ITFG1: variants seen among roughly 807,000 people sequenced by gnomAD.
The protein encoded by ITFG1 is integrin alpha FG-GAP repeat containing 1, also known as T-cell immunomodulatory protein.
A neutral mutation model predicts 81.8 loss-of-function variants in ITFG1; 34 were observed. The ratio of observed to expected loss-of-function variants is 0.42; its 90% confidence interval spans 0.32 to 0.55. The LOEUF (loss-of-function observed/expected upper bound fraction) is 0.55. Ranked by LOEUF, ITFG1 falls within the 20% of genes least tolerant of loss-of-function variation. The pLI is 0.17. For synonymous variants in ITFG1, 285 were observed against 270.6 expected, an observed-to-expected ratio of 1.05 and a Z score of -0.52; for missense variants, 672 against 755.4, an observed-to-expected ratio of 0.89 and a Z score of 1.29.
At chr16:47,364,477 T>C (rs925053680) in intron 8 of ITFG1, among the ~76,000 whole-genome samples, 13 of 152,238 alleles carry the variant, frequency 8.5e-5, no homozygotes, top group African/African-American at 3.1e-4. Flanking sequence ...GAGAGATCTC[T>C]GTACTCCCTG....
intron 16 of ITFG1, among the ~76,000 whole-genome samples, chr16:47,159,234 A>C (rs1013404403): frequency 6.6e-6 from 1 of 152,144 alleles, no homozygotes; most frequent in Non-Finnish European, 1.5e-5. Flanking sequence ...TTTTGATGAG[A>C]TATTTCAATA....
At chr16:47,181,832 G>T (rs1965128424) in intron 14 of ITFG1, among the ~76,000 whole-genome samples, 1 of 152,216 alleles carries the variant, frequency 6.6e-6, no homozygotes, top group Non-Finnish European at 1.5e-5. Context: ...ATTTTGTTCT[G>T]TACTAAGAAA....
In ITFG1 at chr16:47,357,333, G is replaced by A. The variant is rs545188631; in HGVS notation, c.802+8455C>T. 2.8e-4 allele frequency among the ~76,000 whole-genome samples: 43 copies of A among 152,000 alleles called. No individual in the cohort carries two copies. The South Asian group carries it at 7.1e-3, about 25-fold the overall frequency. On this transcript the variant is annotated intron_variant, in intron 8 of 17. Transcript: ENST00000320640. ...ATTCATCATTAAAAAAATTAAATGC[G>A]GCTGGGCGCAGTGGCTCCCGCCTGT... is the stretch of plus-strand genomic sequence containing the variant.
intron 10 of ITFG1, among the ~76,000 whole-genome samples, chr16:47,294,878 T>A (rs1173881085): frequency 6.6e-6 from 1 of 152,132 alleles, no homozygotes; most frequent in Admixed American, 6.5e-5. Flanking sequence ...ATTTCTCTGG[T>A]TAGGACGTCC....
intron 5 of ITFG1, among the ~76,000 whole-genome samples, chr16:47,430,568 CAG>C (rs1354433383): frequency 6.6e-6 from 1 of 152,002 alleles, no homozygotes; most frequent in African/African-American, 2.4e-5. Flanking sequence ...TTAAATGAAT[CAG>C]AAAATAAATG....
chr16:47,417,574 T>G (rs561802679), intron 6 of ITFG1, among the ~76,000 whole-genome samples: 402 of 152,324 alleles, frequency 2.6e-3, no homozygotes, highest in Non-Finnish European at 3.6e-3. Context: ...TGGTAACTAT[T>G]ATTGACTATC....
At chr16:47,245,679 C>A (rs559771890) in intron 12 of ITFG1, among the ~76,000 whole-genome samples, 11 of 152,300 alleles carry the variant, frequency 7.2e-5, no homozygotes, top group South Asian at 2.1e-4. Context: ...TGAAACTATT[C>A]TCCAGAAAAG....
At chr16:47,322,324 T>C (rs947709426) in intron 8 of ITFG1, among the ~76,000 whole-genome samples, 1 of 152,164 alleles carries the variant, frequency 6.6e-6, no homozygotes, top group African/African-American at 2.4e-5. Context: ...TATAAGTTTT[T>C]GTAAAAACAA....
intron 6 of ITFG1, among the ~76,000 whole-genome samples, chr16:47,421,310 A>ACAC (rs1968945803): frequency 2.7e-5 from 4 of 150,096 alleles, no homozygotes; most frequent in African/African-American, 1.0e-4. Flanking sequence ...ACACACATAC[A>ACAC]TATTTTTTTT....
chr16:47,322,440 G>GC (rs1320996920), intron 8 of ITFG1, among the ~76,000 whole-genome samples: 5 of 152,162 alleles, frequency 3.3e-5, no homozygotes, highest in Admixed American at 3.3e-4. Flanking sequence ...TGTAATCCCA[G>GC]CCCTTTGGGA....
chr16:47,162,109 C>G (rs1476726447), intron 15 of ITFG1, among the ~76,000 whole-genome samples: 1 of 151,994 alleles, frequency 6.6e-6, no homozygotes, highest in Non-Finnish European at 1.5e-5. Flanking sequence ...GTTCAAAGGG[C>G]TATGTACAAA....
intron 13 of ITFG1, among the ~76,000 whole-genome samples, chr16:47,228,668 C>A (rs1343843850): frequency 6.6e-6 from 1 of 152,210 alleles, no homozygotes; most frequent in Non-Finnish European, 1.5e-5. Context: ...TGGCATCTGA[C>A]CCGAAGATAA....
chr16:47,199,295 A>AAACCAAAC (rs1567421278), intron 14 of ITFG1, among the ~76,000 whole-genome samples: 78 of 24,106 alleles, frequency 3.2e-3, no homozygotes, highest in Non-Finnish European at 4.4e-3. Context: ...CCAAACCAAA[A>AAACCAAAC]CAAAAAAACC....
intron 2 of ITFG1, among the ~76,000 whole-genome samples, chr16:47,454,368 G>C (rs1238247693): frequency 6.6e-6 from 1 of 152,096 alleles, no homozygotes; most frequent in Non-Finnish European, 1.5e-5. Flanking sequence ...ATAGTCTCAA[G>C]AAACAAGACA....
chr16:47,314,035 C>T (rs1297008769), intron 8 of ITFG1, among the ~76,000 whole-genome samples: 1 of 152,144 alleles, frequency 6.6e-6, no homozygotes, highest in Non-Finnish European at 1.5e-5. Flanking sequence ...CTAAATTGCA[C>T]ACTTCTGTGT....
Position 47,160,987 on chromosome 16 carries a change from T to C in ITFG1, c.1661+763A>G, listed in dbSNP as rs190845190. On this transcript the variant is annotated intron_variant, in intron 16 of 17. Transcript: ENST00000320640. ...GGGGACCCCACTGGTTACATATTCATAGATAAATTCACCATTTCTCTTTGG... is the reference window on the plus strand; with the variant it reads ...GGGGACCCCACTGGTTACATATTCACAGATAAATTCACCATTTCTCTTTGG... Among the ~76,000 whole-genome samples, 6 of 152,346 alleles carry C rather than the reference T, an allele frequency of 3.9e-5. No individual in the cohort carries two copies. In the East Asian group the frequency reaches 7.7e-4, roughly 20 times the overall value.
At chr16:47,353,535 T>G (rs953288126) in intron 8 of ITFG1, among the ~76,000 whole-genome samples, 1 of 152,064 alleles carries the variant, frequency 6.6e-6, no homozygotes, top group African/African-American at 2.4e-5. Flanking sequence ...AAAAAAAAAT[T>G]GGAAATCTTA....
At chr16:47,416,400 T>G (rs1205422453) in intron 6 of ITFG1, among the ~76,000 whole-genome samples, 1 of 152,338 alleles carries the variant, frequency 6.6e-6, no homozygotes, top group East Asian at 1.9e-4. Context: ...CATTACTTGT[T>G]TTTTCTTCAA....
intron 10 of ITFG1, among the ~76,000 whole-genome samples, chr16:47,290,619 G>C (rs909028804): frequency 1.3e-5 from 2 of 152,040 alleles, no homozygotes; most frequent in African/African-American, 4.8e-5. Context: ...AATAAATGTA[G>C]CGATACCAGC....
Sources: gnomAD v4.1 joint callset for allele counts (sites outside exome capture counted in the v4.1 genomes callset) on GRCh38, gnomAD v4.1.1 for gene constraint, MANE v1.5 for transcripts, NCBI Gene and HGNC (gene_info 2026-07-23, HGNC 2026-07-21) for gene names.